PREX1: variants seen among roughly 807,000 people sequenced by gnomAD.
PREX1 encodes the protein phosphatidylinositol-3,4,5-trisphosphate dependent Rac exchange factor 1.
A neutral mutation model predicts 198.3 loss-of-function variants in PREX1; 41 were observed. The ratio of observed to expected loss-of-function variants is 0.21; its 90% CI spans 0.16 to 0.27. The LOEUF is 0.27. Ranked by LOEUF, PREX1 falls within the 10% of genes least tolerant of loss-of-function variation. The pLI, the probability that PREX1 is intolerant of heterozygous loss-of-function variation, is 1.00. For synonymous variants in PREX1, 843 were observed against 887.2 expected (o/e 0.95, Z 0.89); for missense variants, 1,620 against 2,200.7 (o/e 0.74, Z 5.28).
intron 15 of PREX1, among the ~76,000 whole-genome samples, chr20:48,661,095 T>C (rs866150767): frequency 3.9e-5 from 6 of 152,100 alleles, no homozygotes; most frequent in Non-Finnish European, 5.9e-5. Context: ...AAAGCCTAAA[T>C]TGTTACTAAG....
chr20:48,843,790 A>T, the PREX1 span, among the ~76,000 whole-genome samples: 3 of 152,192 alleles, frequency 2.0e-5, no homozygotes, highest in South Asian at 6.2e-4. Context: ...TTTCAGAAAA[A>T]TCCATAATTT....
intron 1 of PREX1, among the ~76,000 whole-genome samples, chr20:48,780,261 T>C (rs1349740048): frequency 6.6e-6 from 1 of 152,144 alleles, no homozygotes; most frequent in African/African-American, 2.4e-5. Context: ...ATTTCAGGGC[T>C]GAGGCAGGGA....
At chr20:48,692,898 G>A (rs1401773568) in intron 7 of PREX1, 108 bp from the exon 8 acceptor site, 20 of 926,028 alleles carry the variant, frequency 2.2e-5, no homozygotes, top group South Asian at 4.1e-5. Context: ...AGGGGACAGA[G>A]AGGAGCCCCA....
intron 5 of PREX1, among the ~76,000 whole-genome samples, chr20:48,720,563 G>C (rs914144107): frequency 6.6e-6 from 1 of 152,142 alleles, no homozygotes; most frequent in Non-Finnish European, 1.5e-5. Context: ...GTATTCTACT[G>C]TGTGAGTCAC....
intron 7 of PREX1, among the ~76,000 whole-genome samples, chr20:48,697,375 T>C (rs1372824482): frequency 8.0e-6 from 1 of 124,332 alleles, no homozygotes; most frequent in Admixed American, 9.0e-5. Flanking sequence ...TGTGTTCTTT[T>C]TTTCTTTTCT....
chr20:48,661,468 T>TATATATATATATATATATATATATAC (rs1373152651), intron 15 of PREX1, among the ~76,000 whole-genome samples: 19 of 76,800 alleles, frequency 2.5e-4, no homozygotes, highest in African/African-American at 1.3e-3. Context: ...TATATATATA[T>TATATATATATATATATATATATATAC]ACACACACAT....
intron 1 of PREX1, among the ~76,000 whole-genome samples, chr20:48,804,880 G>A (rs1194942833): frequency 1.3e-5 from 2 of 152,212 alleles, no homozygotes; most frequent in Admixed American, 1.3e-4. Flanking sequence ...GGAAGGAGGG[G>A]GCCGCAAGAG....
intron 1 of PREX1, among the ~76,000 whole-genome samples, chr20:48,807,713 A>G (rs776506772): frequency 6.6e-6 from 1 of 152,196 alleles, no homozygotes; most frequent in Non-Finnish European, 1.5e-5. Flanking sequence ...GTCCTCTGGG[A>G]CTGCTTGCTT....
chr20:48,679,552 G>T, intron 12 of PREX1, 99 bp downstream of exon 12: 1 of 1,399,218 alleles, frequency 7.1e-7, no homozygotes, highest in Non-Finnish European at 1.0e-6. Flanking sequence ...AGTGGAGAAG[G>T]CAAACAAGCC....
chr20:48,779,565 C>A lies in PREX1; in HGVS notation c.220-31685G>T, dbSNP rs575222790. ...AAAAGCTATACATAAATATTTATAG[C>A]AGCTCTATTAAAAATCACCAAAAAC... On this transcript the variant is annotated intron_variant, in intron 1 of 39. Transcript: ENST00000371941. 3.9e-5 allele frequency among the ~76,000 whole-genome samples: 6 copies of A among 152,288 alleles called. No individual in the cohort carries two copies. The South Asian group carries it at 1.0e-3, about 26-fold the overall frequency.
chr20:48,627,848 C>T lies in PREX1; in HGVS notation c.4869+13G>A. The T allele has an allele frequency of 6.2e-7, 1 of 1,609,514 alleles. No homozygotes were observed. Among genetic ancestry groups the T allele is most frequent in the East Asian group, 2.2e-5 (1 of 44,792 alleles). ...CCAGGGTGCTGGAGGACCCTGTGGC[C>T]AAGCGGCCTCACCTGCTTCCGCATG... On this transcript the variant is annotated intron_variant, in intron 38 of 39. Transcript: ENST00000371941.
rs764777154 is a variant in PREX1 at position 48,646,027 on chromosome 20, C to G, written c.3336G>C (p.Ser1112=). ...RLLSTITEPT[S]GGSCDASLAE... ...CCAAGGATGCGTCGCAGGACCCACC[C>G]GAGGTGGGCTCTGTGATGGTGGACA... is the stretch of plus-strand genomic sequence containing the variant. The change falls in exon 26 of 40, where the codon TCG becomes TCC. Residue 1112 remains serine, a synonymous_variant. Coordinates refer to ENST00000371941, the MANE Select transcript of PREX1 (RefSeq NM_020820.4). The G allele has an allele frequency of 3.1e-6, 5 of 1,613,928 alleles. No homozygotes were observed. Among genetic ancestry groups the G allele is most frequent in the Non-Finnish European group, 4.2e-6 (5 of 1,180,038 alleles).
At chr20:48,631,964 C>T (rs556215235) in intron 35 of PREX1, among the ~76,000 whole-genome samples, 2 of 152,322 alleles carry the variant, frequency 1.3e-5, no homozygotes, top group African/African-American at 4.8e-5. Flanking sequence ...AAGCCGGCTC[C>T]TCTCAGTAGG....
At chr20:48,659,719 A>G (rs2089575876) in intron 16 of PREX1, among the ~76,000 whole-genome samples, 200 bp downstream of exon 16, 1 of 152,068 alleles carries the variant, frequency 6.6e-6, no homozygotes, top group Non-Finnish European at 1.5e-5. Flanking sequence ...TGCAAGCCCA[A>G]TCTCTTTTGT....
At chr20:48,829,623 GT>G (rs913020442), upstream of PREX1, among the ~76,000 whole-genome samples, 2 of 152,126 alleles carry the variant, frequency 1.3e-5, no homozygotes, top group African/African-American at 4.8e-5. Flanking sequence ...AAGGTAGCTG[GT>G]TTTTTATTTA....
chr20:48,853,931 C>T, the PREX1 span, among the ~76,000 whole-genome samples: 1 of 152,322 alleles, frequency 6.6e-6, no homozygotes, highest in South Asian at 2.1e-4. Flanking sequence ...TAATATGAAC[C>T]TGGATGGGTG....
At chr20:48,644,608 G>A in intron 26 of PREX1, 111 bp from the exon 27 acceptor site, 7 of 948,620 alleles carry the variant, frequency 7.4e-6, no homozygotes, top group Non-Finnish European at 1.1e-5. Flanking sequence ...GCCCTCAGGT[G>A]GGCGTGCAGC....
intron 1 of PREX1, among the ~76,000 whole-genome samples, chr20:48,786,061 T>C (rs1363751878): frequency 6.6e-6 from 1 of 151,822 alleles, no homozygotes; most frequent in Non-Finnish European, 1.5e-5. Context: ...AGGAAGAGAA[T>C]GGGGCTGGGC....
chr20:48,813,296 T>TC (rs1291733085), intron 1 of PREX1, among the ~76,000 whole-genome samples: 3 of 152,174 alleles, frequency 2.0e-5, no homozygotes, highest in African/African-American at 7.2e-5. Flanking sequence ...AGAGCTTGGC[T>TC]CTGGGACAAG....
Sources: allele counts gnomAD v4.1 joint callset (sites outside exome capture counted in the v4.1 genomes callset), GRCh38; gene constraint gnomAD v4.1.1; transcripts MANE v1.5; gene names NCBI Gene and HGNC (gene_info 2026-07-23, HGNC 2026-07-21).